Variants in AP2B1 observed in about 807,000 individuals in gnomAD.
The protein encoded by AP2B1 is AP-2 complex subunit beta.
In AP2B1, 23 loss-of-function variants were observed where a neutral mutation model predicts 102.0. The observed-to-expected ratio is 0.23, with a 90% CI of 0.16 to 0.32. AP2B1 has a LOEUF of 0.32. AP2B1 is among the 10% of genes least tolerant of loss of function. The pLI is 1.00. For missense variants in AP2B1, 541 were observed against 1,157.4 expected, an observed-to-expected ratio of 0.47 and a Z score of 7.73; for synonymous variants, 381 against 421.2, an observed-to-expected ratio of 0.90 and a Z score of 1.17.
rs1167550201 is a variant in AP2B1 at position 35,680,686 on chromosome 17, G to GTT, written c.2325-1997_2325-1996dup. On this transcript the variant is annotated intron_variant, in intron 17 of 21. Coordinates refer to ENST00000610402, the MANE Select transcript of AP2B1 (RefSeq NM_001030006.2). The stretch of plus-strand genomic sequence containing the variant: ...CCACCATGCCCAGTCTATGGTTTTG[G>GTT]TTTTTTTTTTTTTGTTTTTTTTTTT... Among the ~76,000 whole-genome samples the GTT allele has an allele frequency of 3.8e-3, 229 of 59,864 alleles. 5 individuals carry two copies. Among genetic ancestry groups the GTT allele is most frequent in the African/African-American group, 0.013 (174 of 13,356 alleles). 39.3% of individuals were successfully genotyped at this position (59,864 alleles called of 152,430 possible). A position where few individuals can be genotyped will look rare whatever the true frequency, so the allele number is the denominator to read the frequency against.
intron 18 of AP2B1, among the ~76,000 whole-genome samples, chr17:35,691,671 A>T (rs1731887108): frequency 6.6e-6 from 1 of 152,232 alleles, no homozygotes; most frequent in African/African-American, 2.4e-5. Context: ...CCCACGTCAG[A>T]CAGTTGGATC....
At chr17:35,601,745 A>T (rs1010093590) in intron 3 of AP2B1, among the ~76,000 whole-genome samples, 1 of 151,952 alleles carries the variant, frequency 6.6e-6, no homozygotes, top group Non-Finnish European at 1.5e-5. Flanking sequence ...TGAAAACATC[A>T]GTACAAACGA....
intron 5 of AP2B1, among the ~76,000 whole-genome samples, chr17:35,610,889 G>A (rs535277168): frequency 1.8e-4 from 27 of 146,506 alleles, no homozygotes; most frequent in South Asian, 1.6e-3. Context: ...CCTGGGTGAC[G>A]GAGCGAGACT....
At chr17:35,708,439 TAAA>T (rs151103321) in intron 18 of AP2B1, among the ~76,000 whole-genome samples, 1 of 143,240 alleles carries the variant, frequency 7.0e-6, no homozygotes. Flanking sequence ...ACTGTAGCTT[TAAA>T]AAAAAAAAAC....
intron 10 of AP2B1, among the ~76,000 whole-genome samples, chr17:35,637,773 C>T (rs907638730): frequency 1.3e-5 from 2 of 150,532 alleles, no homozygotes; most frequent in Non-Finnish European, 2.9e-5. Flanking sequence ...GCAACCTCTG[C>T]CTCCCGGGTT....
intron 18 of AP2B1, among the ~76,000 whole-genome samples, chr17:35,707,190 T>C (rs2076358229): frequency 6.6e-6 from 1 of 152,134 alleles, no homozygotes; most frequent in South Asian, 2.1e-4. Context: ...AGTCTTGCTC[T>C]GTCACCAGGC....
At chr17:35,666,165 G>A (rs1273930070) in intron 14 of AP2B1, among the ~76,000 whole-genome samples, 2 of 152,044 alleles carry the variant, frequency 1.3e-5, no homozygotes, top group African/African-American at 2.4e-5. Flanking sequence ...GCTCTACCTG[G>A]CTCTACAGAG....
chr17:35,598,503 C>T (rs114654792), intron 3 of AP2B1, among the ~76,000 whole-genome samples, 168 bp downstream of exon 3: 2,204 of 152,210 alleles, frequency 0.014, 59 homozygotes, highest in African/African-American at 0.05. Context: ...TAATGCTCTA[C>T]TTTTTGTTTG....
At chr17:35,644,725 G>A (rs568048817) in intron 12 of AP2B1, among the ~76,000 whole-genome samples, 10 of 151,926 alleles carry the variant, frequency 6.6e-5, no homozygotes, top group Non-Finnish European at 1.5e-4. Flanking sequence ...TGAAGTCTGA[G>A]AAGTTATCAT....
At chr17:35,630,428 C>G (rs891517214) in intron 9 of AP2B1, among the ~76,000 whole-genome samples, 2 of 152,176 alleles carry the variant, frequency 1.3e-5, no homozygotes, top group African/African-American at 4.8e-5. Context: ...TACTAGCCGT[C>G]TACTTAGTAT....
At chr17:35,680,975 G>C (rs1037053415) in intron 17 of AP2B1, among the ~76,000 whole-genome samples, 2 of 152,112 alleles carry the variant, frequency 1.3e-5, no homozygotes, top group African/African-American at 2.4e-5. Context: ...GACTACAATT[G>C]TGAGCCACTG....
At chr17:35,710,401 C>T in intron 20 of AP2B1, 81 bp downstream of exon 20, 2 of 927,168 alleles carry the variant, frequency 2.2e-6, no homozygotes, top group Non-Finnish European at 1.7e-6. Flanking sequence ...CTTTTGCCTA[C>T]CCTTTTATCC....
chr17:35,656,074 T>C (rs2075211595), intron 13 of AP2B1, among the ~76,000 whole-genome samples: 1 of 152,248 alleles, frequency 6.6e-6, no homozygotes, highest in South Asian at 2.1e-4. Flanking sequence ...AATCTCTTAA[T>C]GGTGTCATTG....
At chr17:35,617,842 G>A (rs948228066) in intron 5 of AP2B1, among the ~76,000 whole-genome samples, 1 of 152,150 alleles carries the variant, frequency 6.6e-6, no homozygotes, top group Non-Finnish European at 1.5e-5. Context: ...AGGGGCCATG[G>A]TCCAAATAAC....
At chr17:35,643,494 C>A (rs1016287097) in intron 12 of AP2B1, among the ~76,000 whole-genome samples, 6 of 152,162 alleles carry the variant, frequency 3.9e-5, no homozygotes, top group Non-Finnish European at 8.8e-5. Flanking sequence ...AGCTGTATTA[C>A]GAATTCTGGC....
chr17:35,652,664 G>A (rs2075116757), intron 13 of AP2B1, among the ~76,000 whole-genome samples: 1 of 152,116 alleles, frequency 6.6e-6, no homozygotes, highest in Non-Finnish European at 1.5e-5. Context: ...CATTGAGAAA[G>A]ATGTATAATA....
rs1221904682 is a variant in AP2B1, at chr17:35,711,752, T to C, written c.2626+1432T>C. On this transcript the variant is annotated intron_variant, in intron 20 of 21. Transcript: ENST00000610402. Reference sequence around the variant, plus strand: ...TCCCAAAGTGCTGGGATTACAGGCATGAGCCACTGCACCCAGCCCAGCTTT... The same window carrying C: ...TCCCAAAGTGCTGGGATTACAGGCACGAGCCACTGCACCCAGCCCAGCTTT... Among the ~76,000 whole-genome samples the C allele has an allele frequency of 3.9e-5, 6 of 152,362 alleles. No homozygotes were observed. The South Asian group carries it at 8.3e-4, about 21-fold the overall frequency.
intron 14 of AP2B1, 68 bp from the exon 15 acceptor site, chr17:35,670,789 T>C: frequency 1.3e-6 from 2 of 1,488,254 alleles, no homozygotes; most frequent in Non-Finnish European, 1.9e-6. Context: ...ACAGATTCTA[T>C]ATGGGCATCT....
At chr17:35,690,170 C>T (rs2076013323) in intron 18 of AP2B1, among the ~76,000 whole-genome samples, 1 of 151,974 alleles carries the variant, frequency 6.6e-6, no homozygotes, top group Admixed American at 6.6e-5. Context: ...TGGATAATTC[C>T]TATTGATCTG....
Sources: gnomAD v4.1 joint callset for allele counts (sites outside exome capture counted in the v4.1 genomes callset) on GRCh38, gnomAD v4.1.1 for gene constraint, MANE v1.5 for transcripts, NCBI Gene and HGNC (gene_info 2026-07-23, HGNC 2026-07-21) for gene names.